The following BTAF1 variants were observed in gnomAD, a reference collection of about 807,000 sequenced individuals.
BTAF1 encodes the protein TATA-binding protein-associated factor 172.
In BTAF1, 38 loss-of-function variants were observed where a neutral mutation model predicts 227.1. That is an observed-to-expected ratio of 0.17 (90% CI 0.13 to 0.22). The LOEUF (loss-of-function observed/expected upper bound fraction) is 0.22. Ranked by LOEUF, BTAF1 falls within the 10% of genes least tolerant of loss-of-function variation. BTAF1 has a pLI of 1.00. For synonymous variants in BTAF1, 742 were observed against 751.9 expected, an observed-to-expected ratio of 0.99 and a Z score of 0.21; for missense variants, 1,598 against 2,204.0, an observed-to-expected ratio of 0.73 and a Z score of 5.51.
Position 91,994,555 on chromosome 10 carries a change from A to G in BTAF1, c.3220A>G (p.Lys1074Glu), listed in dbSNP as rs751504087. ...AACAGATGGAAAATCCCTCCTGGAT[A>G]AGGGAGATAGCCCTGCTCAAGAATT... ...NNFDGKSLLD[K>E]GDSPAQELVN... Residue 1074 changes from lysine to glutamate, a missense_variant, in exon 23 of 38, where the codon AAG (lysine) becomes GAG (glutamate). Coordinates refer to ENST00000265990, the MANE Select transcript of BTAF1 (RefSeq NM_003972.3). 1 of 1,612,990 alleles carries G rather than the reference A, an allele frequency of 6.2e-7. No homozygotes were observed. The highest frequency in any genetic ancestry group is 1.1e-5 in the South Asian group (1 of 91,010).
Position 91,959,836 on chromosome 10 carries a change from T to C in BTAF1, c.1042T>C (p.Cys348Arg), listed in dbSNP as rs568457060. 1.2e-6 allele frequency: 2 copies of C among 1,610,016 alleles called. No individual in the cohort carries two copies. The highest frequency in any genetic ancestry group is 2.7e-5 in the African/African-American group (2 of 74,786). ...GGAAGACTTGGTTATTAGACTCCTTTGTGTTTTTGCATTAGACAGATTTGG... is the reference window on the plus strand; with the variant it reads ...GGAAGACTTGGTTATTAGACTCCTTCGTGTTTTTGCATTAGACAGATTTGG... ...WLEDLVIRLL[C>R]VFALDRFGDF... Residue 348 changes from cysteine to arginine, a missense_variant, in exon 10 of 38, where the codon TGT becomes CGT. Physicochemically the swap from Cys to Arg is radical, Grantham distance 180. Around this residue, in one of 10 missense-constraint regions of BTAF1, gnomAD observed 13 missense variants for 45.2 expected, o/e 0.29. Coordinates refer to ENST00000265990, the MANE Select transcript of BTAF1 (RefSeq NM_003972.3).
At chr10:91,945,402 TTCA>T (rs1333837546) in intron 4 of BTAF1, among the ~76,000 whole-genome samples, 1 of 152,268 alleles carries the variant, frequency 6.6e-6, no homozygotes, top group African/African-American at 2.4e-5. Flanking sequence ...TCCAGAAGTC[TTCA>T]TCATGCAAAA....
intron 14 of BTAF1, among the ~76,000 whole-genome samples, chr10:91,974,109 G>A (rs1239584011): frequency 6.6e-6 from 1 of 152,254 alleles, no homozygotes; most frequent in East Asian, 1.9e-4. Flanking sequence ...ACTAGTAGCT[G>A]TGTCCTGGTT....
intron 14 of BTAF1, among the ~76,000 whole-genome samples, chr10:91,969,373 A>G (rs771333604): frequency 6.6e-6 from 1 of 152,172 alleles, no homozygotes; most frequent in Admixed American, 6.5e-5. Flanking sequence ...AATGACTGCC[A>G]CAGTAGATCA....
At chr10:91,984,620 A>G (rs1219171805) in intron 19 of BTAF1, among the ~76,000 whole-genome samples, 1 of 152,238 alleles carries the variant, frequency 6.6e-6, no homozygotes, top group Non-Finnish European at 1.5e-5. Context: ...CAAAATTCTG[A>G]TAAATCAATG....
intron 14 of BTAF1, among the ~76,000 whole-genome samples, chr10:91,973,903 C>CAAAA (rs566022941): frequency 4.7e-4 from 44 of 93,846 alleles, no homozygotes; most frequent in Non-Finnish European, 7.2e-4. Context: ...GACTCCGTCT[C>CAAAA]AAAAAAAAAA....
intron 4 of BTAF1, among the ~76,000 whole-genome samples, chr10:91,944,936 C>T (rs902656439): frequency 2.0e-5 from 3 of 152,180 alleles, no homozygotes; most frequent in African/African-American, 7.2e-5. Flanking sequence ...CTTACCATTG[C>T]GTTACAGTTG....
intron 14 of BTAF1, among the ~76,000 whole-genome samples, chr10:91,973,178 T>C (rs1250158697): frequency 1.3e-5 from 2 of 152,228 alleles, no homozygotes; most frequent in Non-Finnish European, 2.9e-5. Context: ...AAATAGAGCT[T>C]TTTATCACTG....
rs772816039 is a variant in BTAF1 at position 91,981,629 on chromosome 10, C to T, written c.1756-14C>T. The T allele has an allele frequency of 4.4e-5, 70 of 1,580,724 alleles. No homozygotes were observed. The Middle Eastern group carries it at 1.2e-3, about 27-fold the overall frequency. ...AGAAAAAATTCACTTTCATGTCCCC[C>T]TTTTACCCTGCAGGTTTGGATGGAA... is the stretch of plus-strand genomic sequence containing the variant. On this transcript the variant is annotated splice_polypyrimidine_tract_variant and intron_variant, in intron 15 of 37. Transcript: ENST00000265990.
intron 14 of BTAF1, 103 bp downstream of exon 14, chr10:91,966,860 C>T: frequency 9.3e-7 from 1 of 1,074,636 alleles, no homozygotes; most frequent in Non-Finnish European, 1.3e-6. Flanking sequence ...AAGATCAGGA[C>T]AATGTTGGGC....
intron 14 of BTAF1, among the ~76,000 whole-genome samples, chr10:91,978,781 G>A (rs1377498639): frequency 6.8e-6 from 1 of 147,576 alleles, no homozygotes; most frequent in African/African-American, 2.5e-5. Context: ...GTGAAGTAGT[G>A]AGAATGCTCC....
At chr10:91,978,748 A>G (rs1284298166) in intron 14 of BTAF1, among the ~76,000 whole-genome samples, 2 of 149,740 alleles carry the variant, frequency 1.3e-5, no homozygotes, top group Non-Finnish European at 3.0e-5. Context: ...GTCCTGTGTT[A>G]TCAGAAAAGT....
intron 34 of BTAF1, among the ~76,000 whole-genome samples, chr10:92,019,400 A>G (rs1850960107): frequency 3.9e-5 from 6 of 152,194 alleles, no homozygotes; most frequent in Admixed American, 3.3e-4. Flanking sequence ...TCATTCATCC[A>G]TTTCTGTGTC....
In BTAF1 at chr10:91,935,642, T is replaced by A; in HGVS notation, c.15-15T>A. ...AAAGCATTTGAGAATAACCATTGTA[T>A]TTTTGTTATTTCAGGCTAGATCGCC... is the stretch of plus-strand genomic sequence containing the variant. On this transcript the variant is annotated splice_polypyrimidine_tract_variant and intron_variant, in intron 1 of 37. Transcript: ENST00000265990. 1.2e-6 allele frequency: 2 copies of A among 1,610,472 alleles called. No homozygotes were observed. The highest frequency in any genetic ancestry group is 1.7e-6 in the Non-Finnish European group (2 of 1,178,102).
intron 18 of BTAF1, among the ~76,000 whole-genome samples, chr10:91,983,090 C>T (rs532665828): frequency 2.0e-5 from 3 of 152,300 alleles, no homozygotes; most frequent in African/African-American, 7.2e-5. Flanking sequence ...ATCCATTCCT[C>T]TATATGTCAC....
intron 34 of BTAF1, among the ~76,000 whole-genome samples, chr10:92,019,158 A>G (rs74149353): frequency 0.014 from 2,087 of 152,318 alleles, 47 homozygotes; most frequent in African/African-American, 0.045. Context: ...TATATTTACA[A>G]TGTTGTACAA....
intron 11 of BTAF1, among the ~76,000 whole-genome samples, chr10:91,962,239 A>G (rs1398361770): frequency 6.6e-6 from 1 of 152,172 alleles, no homozygotes; most frequent in East Asian, 1.9e-4. Context: ...GTAGCTGCCT[A>G]TGGTATTCAG....
intron 35 of BTAF1, among the ~76,000 whole-genome samples, chr10:92,025,650 T>G (rs1249737029): frequency 6.6e-6 from 1 of 151,526 alleles, no homozygotes; most frequent in African/African-American, 2.4e-5. Context: ...CTACTAAAAA[T>G]ATAAAAATTA....
At chr10:91,993,452 T>A (rs1278331297) in intron 21 of BTAF1, among the ~76,000 whole-genome samples, 1 of 152,204 alleles carries the variant, frequency 6.6e-6, no homozygotes, top group Non-Finnish European at 1.5e-5. Context: ...CTGTTCCTTA[T>A]CCTCAACCCC....
Sources: allele counts gnomAD v4.1 joint callset (sites outside exome capture counted in the v4.1 genomes callset), GRCh38; gene constraint gnomAD v4.1.1; regional missense constraint gnomAD v4.1.1; transcripts MANE v1.5; gene names NCBI Gene and HGNC (gene_info 2026-07-23, HGNC 2026-07-21).